Variants in SRP68 observed in about 807,000 individuals in gnomAD.
SRP68 encodes signal recognition particle subunit SRP68.
SRP68 carries 15 observed loss-of-function variants against 82.2 expected under a neutral mutation model. The ratio of observed to expected loss-of-function variants is 0.18; its 90% CI spans 0.12 to 0.28. SRP68 has a LOEUF of 0.28. SRP68 is among the 10% of genes least tolerant of loss of function. SRP68 has a pLI of 1.00. For missense variants in SRP68, 595 were observed against 780.5 expected, an observed-to-expected ratio of 0.76 and a Z score of 2.83; for synonymous variants, 261 against 292.6, an observed-to-expected ratio of 0.89 and a Z score of 1.10.
In SRP68 at chr17:76,070,850, G is replaced by GCACATGCA. The variant is rs149422993; in HGVS notation, c.185-407_185-406insTGCATGTG. Among the ~76,000 whole-genome samples, 392 of 146,890 alleles carry GCACATGCA rather than the reference G, an allele frequency of 2.7e-3. 3 individuals are homozygous for GCACATGCA. The highest frequency in any genetic ancestry group is 9.2e-3 in the African/African-American group (366 of 39,906). On this transcript the variant is annotated intron_variant, in intron 1 of 15. Transcript: ENST00000307877. Reference sequence around the variant, plus strand: ...GTGAGATTCAGTCACACATGCACATGCACACACACACACACACACACACAC... The same window carrying GCACATGCA: ...GTGAGATTCAGTCACACATGCACATGCACATGCACACACACACACACACACACACACAC...
At chr17:76,065,543 T>C (rs749186552) in intron 3 of SRP68, among the ~76,000 whole-genome samples, 25 of 151,892 alleles carry the variant, frequency 1.6e-4, no homozygotes, top group Admixed American at 3.9e-4. Context: ...CTCCAGGCTC[T>C]AGCTTTCTGA....
chr17:76,057,332 C>T, intron 8 of SRP68, 71 bp downstream of exon 8: 1 of 1,589,026 alleles, frequency 6.3e-7, no homozygotes, highest in South Asian at 1.1e-5. Flanking sequence ...CAACGAGCCA[C>T]TACATCTTAA....
Position 76,071,575 on chromosome 17 carries a change from C to G in SRP68, c.184+733G>C, listed in dbSNP as rs775485620. 2.6e-5 allele frequency among the ~76,000 whole-genome samples: 4 copies of G among 152,170 alleles called. No homozygotes were observed. ...GTAATTCAAAATATTTAACTCCAAG[C>G]GCCTGAGAACTTTAAGCACATTAAG... On this transcript the variant is annotated intron_variant, in intron 1 of 15. Transcript: ENST00000307877. The surrounding 1 kb of genome is among the most constrained non-coding windows in gnomAD (Gnocchi z 4.7).
chr17:76,050,637 G>A (rs539660708), intron 8 of SRP68, 111 bp from the exon 9 acceptor site: 16 of 681,028 alleles, frequency 2.3e-5, no homozygotes, highest in East Asian at 1.9e-4. Context: ...ACTCACTCAC[G>A]CACGCCACAC....
At chr17:76,039,969 G>A in intron 15 of SRP68, 36 bp from the exon 16 acceptor site, 1 of 1,598,798 alleles carries the variant, frequency 6.3e-7, no homozygotes, top group South Asian at 1.1e-5. Flanking sequence ...TGTAGCATCG[G>A]TCACAGAACA....
chr17:76,040,710 G>C (rs2066583080), intron 14 of SRP68, 193 bp downstream of exon 14: 1 of 658,334 alleles, frequency 1.5e-6, no homozygotes, highest in Middle Eastern at 4.2e-4. Flanking sequence ...CAGGGAGAAG[G>C]GCCAGTGTAA....
At chr17:76,052,622 A>G (rs887033270) in intron 8 of SRP68, among the ~76,000 whole-genome samples, 1 of 151,112 alleles carries the variant, frequency 6.6e-6, no homozygotes, top group Admixed American at 6.6e-5. Context: ...GGCTAACACG[A>G]TGAAACCCCG....
intron 8 of SRP68, chr17:76,053,300 C>T (rs1008517197): frequency 5.1e-6 from 1 of 198,002 alleles, no homozygotes; most frequent in Non-Finnish European, 9.0e-6. Context: ...CACACATATA[C>T]CACAGCCACA....
At chr17:76,046,281 A>C in intron 10 of SRP68, 87 bp from the exon 11 acceptor site, 2 of 1,273,488 alleles carry the variant, frequency 1.6e-6, no homozygotes, top group Non-Finnish European at 2.2e-6. Flanking sequence ...GCTGACCCAG[A>C]GGAAGCAGGG....
intron 3 of SRP68, 139 bp downstream of exon 3, chr17:76,067,078 T>G (rs2066812650): frequency 1.5e-6 from 1 of 661,610 alleles, no homozygotes; most frequent in Non-Finnish European, 2.6e-6. Flanking sequence ...CTCAGTTTCC[T>G]TGCCTTAGAA....
chr17:76,045,987 A>G, intron 11 of SRP68, 51 bp downstream of exon 11: 2 of 1,607,974 alleles, frequency 1.2e-6, no homozygotes, highest in Non-Finnish European at 1.7e-6. Context: ...TGTGTCCGAC[A>G]CAGGCAAAGG....
chr17:76,062,686 TATACA>T, intron 4 of SRP68, among the ~76,000 whole-genome samples: 3 of 74,974 alleles, frequency 4.0e-5, no homozygotes, highest in African/African-American at 2.3e-4. Context: ...TAATATATAA[TATACA>T]TTATATATTG....
chr17:76,044,757 A>G (rs2066617080), intron 12 of SRP68: 1 of 152,186 alleles, frequency 6.6e-6, no homozygotes, highest in African/African-American at 2.4e-5. Flanking sequence ...TTTTTTTGAG[A>G]TGGAGTTTCG....
intron 2 of SRP68, among the ~76,000 whole-genome samples, chr17:76,069,883 C>T (rs1300236681): frequency 6.6e-6 from 1 of 151,718 alleles, no homozygotes; most frequent in Non-Finnish European, 1.5e-5. Context: ...TTGAGACCAG[C>T]CTGGCCAACA....
chr17:76,062,557 CATTAT>C (rs1262780166), intron 4 of SRP68, among the ~76,000 whole-genome samples: 6 of 51,984 alleles, frequency 1.2e-4, no homozygotes, highest in Non-Finnish European at 6.4e-5. Flanking sequence ...ATATAATATA[CATTAT>C]ATATTATATA....
At position 76,046,024 on chromosome 17, in the gene SRP68, T is replaced by C. The variant is rs202118027; in HGVS notation, c.1299+14A>G. 1.2e-6 allele frequency: 2 copies of C among 1,613,466 alleles called. No homozygotes were observed. Among genetic ancestry groups the C allele is most frequent in the Non-Finnish European group, 8.5e-7 (1 of 1,179,708 alleles). On this transcript the variant is annotated intron_variant, in intron 11 of 15. Coordinates refer to ENST00000307877, the MANE Select transcript of SRP68 (RefSeq NM_014230.4). The stretch of plus-strand genomic sequence containing the variant: ...AAACCACAGGCCCTTGCCTTCCCGG[T>C]CCTCAAGGGTCACCTGTAAGATGAT...
At chr17:76,062,295 A>G (rs1378507597) in intron 4 of SRP68, among the ~76,000 whole-genome samples, 2 of 148,274 alleles carry the variant, frequency 1.3e-5, no homozygotes, top group Admixed American at 1.4e-4. Flanking sequence ...TCAGAAAAAA[A>G]AAAAAAAAAA....
chr17:76,045,263 G>T (rs757522936), intron 12 of SRP68, 29 bp downstream of exon 12: 1 of 1,579,626 alleles, frequency 6.3e-7, no homozygotes, highest in Non-Finnish European at 8.7e-7. Flanking sequence ...GGGAGGCGGA[G>T]GAAAACTGCC....
At chr17:76,063,851 C>T (rs140458013) in intron 4 of SRP68, 125 bp downstream of exon 4, 17 of 744,778 alleles carry the variant, frequency 2.3e-5, no homozygotes, top group South Asian at 1.9e-4. Context: ...AAAGCAAGTT[C>T]GGAAAGTTTT....
Sources: allele counts gnomAD v4.1 joint callset (sites outside exome capture counted in the v4.1 genomes callset), GRCh38; gene constraint gnomAD v4.1.1; non-coding constraint Gnocchi (gnomAD v3.1); transcripts MANE v1.5; gene names NCBI Gene and HGNC (gene_info 2026-07-23, HGNC 2026-07-21).